ENPP1: variants seen among roughly 807,000 people sequenced by gnomAD.
The protein encoded by ENPP1 is ectonucleotide pyrophosphatase/phosphodiesterase family member 1.
ENPP1 carries 73 observed loss-of-function variants against 122.8 expected under a neutral mutation model. The ratio of observed to expected loss-of-function variants is 0.59; its 90% confidence interval spans 0.49 to 0.72. The LOEUF (loss-of-function observed/expected upper bound fraction) is 0.72. Among genes scored for constraint, ENPP1 ranks in the 30% least tolerant of loss-of-function variants. The pLI is 0.00. For missense variants in ENPP1, 978 were observed against 1,128.1 expected (o/e 0.87, Z 1.91); for synonymous variants, 367 against 391.6 (o/e 0.94, Z 0.74).
At chr6:131,844,692 A>G (rs1781783646) in intron 1 of ENPP1, among the ~76,000 whole-genome samples, 1 of 152,234 alleles carries the variant, frequency 6.6e-6, no homozygotes. Flanking sequence ...TAACACTGCC[A>G]TGGTGCAATA....
At chr6:131,827,419 A>G (rs766692539) in intron 1 of ENPP1, 1 of 710,686 alleles carries the variant, frequency 1.4e-6, no homozygotes, top group Non-Finnish European at 2.6e-6. Context: ...AGCATCCACC[A>G]CAGCCTGTAG....
chr6:131,867,610 A>G (rs1782106584), intron 11 of ENPP1, among the ~76,000 whole-genome samples: 1 of 152,220 alleles, frequency 6.6e-6, no homozygotes, highest in Non-Finnish European at 1.5e-5. Flanking sequence ...TGGAAAATGA[A>G]GTGGTAATTA....
At chr6:131,853,509 G>A (rs1781906607) in intron 5 of ENPP1, among the ~76,000 whole-genome samples, 1 of 152,038 alleles carries the variant, frequency 6.6e-6, no homozygotes, top group Non-Finnish European at 1.5e-5. Context: ...CCACTAACCT[G>A]CTTTTATGAT....
chr6:131,851,139 T>C lies in ENPP1; in HGVS notation c.431-3T>C. 1 of 1,614,008 alleles carries C rather than the reference T, an allele frequency of 6.2e-7. No individual in the cohort carries two copies. Among genetic ancestry groups the C allele is most frequent in the Non-Finnish European group, 8.5e-7 (1 of 1,179,892 alleles). On this transcript the variant is annotated splice_polypyrimidine_tract_variant and splice_region_variant and intron_variant, in intron 3 of 24. Coordinates refer to ENST00000647893, the MANE Select transcript of ENPP1 (RefSeq NM_006208.3). The stretch of plus-strand genomic sequence containing the variant: ...AACACATTTTGCTGATGTTTGTTTC[T>C]AGAACATATATGGACTTGCAACAAA...
chr6:131,863,399 A>G (rs1238974350), intron 9 of ENPP1, among the ~76,000 whole-genome samples: 1 of 152,172 alleles, frequency 6.6e-6, no homozygotes, highest in Non-Finnish European at 1.5e-5. Context: ...TACCGAAATA[A>G]TTTTATTTAT....
intron 1 of ENPP1, among the ~76,000 whole-genome samples, chr6:131,808,960 T>C (rs776950148): frequency 3.3e-5 from 5 of 152,194 alleles, no homozygotes; most frequent in Non-Finnish European, 7.4e-5. Context: ...GTCAACTTCA[T>C]GAAATGTGGG....
intron 1 of ENPP1, among the ~76,000 whole-genome samples, chr6:131,823,711 C>G (rs1781508973): frequency 6.6e-6 from 1 of 151,656 alleles, no homozygotes; most frequent in Non-Finnish European, 1.5e-5. Flanking sequence ...GTCCCAGAAC[C>G]ACTCAATTGC....
chr6:131,857,080 C>A (rs116537547), intron 6 of ENPP1, among the ~76,000 whole-genome samples: 4 of 152,126 alleles, frequency 2.6e-5, no homozygotes, highest in Middle Eastern at 3.4e-3. Flanking sequence ...TTACCTTGGG[C>A]AAATCAAAAC....
rs1251257126 is a variant in ENPP1, at chr6:131,892,672, A to T, written c.*2161A>T. Reference sequence around the variant, plus strand: ...ATCTTAGCAGAGCTTAATTAAATGGATAGATGCCTGTTCCCTTTGCTGGAT... The same window carrying T: ...ATCTTAGCAGAGCTTAATTAAATGGTTAGATGCCTGTTCCCTTTGCTGGAT... On this transcript the variant is annotated 3_prime_UTR_variant, in exon 25 of 25. Coordinates refer to ENST00000647893, the MANE Select transcript of ENPP1 (RefSeq NM_006208.3). 6.6e-6 allele frequency: 1 copy of T among 152,178 alleles called. No homozygotes were observed. Among genetic ancestry groups the T allele is most frequent in the Non-Finnish European group, 1.5e-5 (1 of 68,056 alleles). 9.4% of individuals were successfully genotyped at this position (152,178 alleles called of 1,614,324 possible). A position where few individuals can be genotyped will look rare whatever the true frequency, so the allele number is the denominator to read the frequency against.
chr6:131,845,451 G>GTTTTTTT (rs34638422), intron 1 of ENPP1, among the ~76,000 whole-genome samples: 1 of 133,094 alleles, frequency 7.5e-6, no homozygotes, highest in Admixed American at 7.6e-5. Context: ...GTTTTGGCTT[G>GTTTTTTT]TTTTTTTTTT....
Position 131,892,488 on chromosome 6 carries a change from C to T in ENPP1, c.*1977C>T, listed in dbSNP as rs1406339818. 1 of 152,120 alleles carries T rather than the reference C, an allele frequency of 6.6e-6. No homozygotes were observed. The highest frequency in any genetic ancestry group is 1.5e-5 in the Non-Finnish European group (1 of 68,038). The allele number at this position is 152,120 out of a possible 1,614,324, so 9.4% of individuals were successfully genotyped here. ...ATGTGCAGCGGCACCTTTTGGTGCA[C>T]CCTGGGAATCTCCACTAATGCTATG... is the stretch of plus-strand genomic sequence containing the variant. On this transcript the variant is annotated 3_prime_UTR_variant, in exon 25 of 25. Coordinates refer to ENST00000647893, the MANE Select transcript of ENPP1 (RefSeq NM_006208.3).
intron 2 of ENPP1, among the ~76,000 whole-genome samples, chr6:131,848,256 G>A (rs1361714513): frequency 1.3e-5 from 2 of 152,090 alleles, no homozygotes; most frequent in Non-Finnish European, 2.9e-5. Context: ...GCAGACATTG[G>A]TTGTTTCAAA....
chr6:131,885,592 A>G (rs1248342832), intron 23 of ENPP1, among the ~76,000 whole-genome samples: 1 of 152,130 alleles, frequency 6.6e-6, no homozygotes, highest in Non-Finnish European at 1.5e-5. Flanking sequence ...GAGGGAAAGA[A>G]CATCTTGGAA....
At chr6:131,836,187 A>C (rs1781671963) in intron 1 of ENPP1, among the ~76,000 whole-genome samples, 1 of 150,948 alleles carries the variant, frequency 6.6e-6, no homozygotes, top group South Asian at 2.1e-4. Context: ...ATCTCAGTTT[A>C]CTGCAACCTC....
In ENPP1 at chr6:131,890,801, A is replaced by G. The variant is rs543498182; in HGVS notation, c.*290A>G. On this transcript the variant is annotated 3_prime_UTR_variant, in exon 25 of 25. Transcript: ENST00000647893. ...GCCTTTCTGCTTCTCTTAAAGGAGA[A>G]GTAGCTGTGAACATTGTCTGGATAC... 4.6e-5 allele frequency: 19 copies of G among 415,346 alleles called. No homozygotes were observed. The highest frequency in any genetic ancestry group is 7.3e-4 in the Middle Eastern group (1 of 1,378). The allele number at this position is 415,346 out of a possible 1,614,324, so 25.7% of individuals were successfully genotyped here. A position where few individuals can be genotyped will look rare whatever the true frequency, so the allele number is the denominator to read the frequency against.
chr6:131,834,138 C>T (rs1781645638), intron 1 of ENPP1, among the ~76,000 whole-genome samples: 1 of 152,228 alleles, frequency 6.6e-6, no homozygotes, highest in South Asian at 2.1e-4. Context: ...TGACCTTTAA[C>T]TTCAGAGAGA....
intron 1 of ENPP1, chr6:131,827,727 C>T (rs1562512239): frequency 1.5e-6 from 1 of 682,116 alleles, no homozygotes; most frequent in Non-Finnish European, 2.7e-6. Flanking sequence ...CCTCTTGCCC[C>T]TCCTTCTTGT....
rs771758370 is a variant in ENPP1, at chr6:131,874,313, T to C, written c.1611T>C (p.Ser537=). 1 of 1,595,460 alleles carries C rather than the reference T, an allele frequency of 6.3e-7. No homozygotes were observed. The highest frequency in any genetic ancestry group is 1.7e-5 in the Admixed American group (1 of 59,976). ...ATTGTGGAAGTGGATTTCATGGCTC[T>C]GACAATGTATTTTCAAATATGCAAG... The part of the protein sequence containing the change: ...RKYCGSGFHG[S]DNVFSNMQAL... The change falls in exon 16 of 25, where the codon TCT becomes TCC. Residue 537 remains serine (S), a synonymous_variant. Transcript: ENST00000647893.
In ENPP1 at chr6:131,893,129, T is replaced by C. The variant is rs1782492581; in HGVS notation, c.*2618T>C. The C allele has an allele frequency of 6.6e-6, 1 of 152,152 alleles. No homozygotes were observed. The highest frequency in any genetic ancestry group is 6.5e-5 in the Admixed American group (1 of 15,282). The allele number at this position is 152,152 out of a possible 1,614,324, so 9.4% of individuals were successfully genotyped here. ...TAGCAGAAGGATGTCTACTCTGCCT[T>C]TGTAGAAGTGTCTCACTGATTTTTA... On this transcript the variant is annotated 3_prime_UTR_variant, in exon 25 of 25. Coordinates refer to ENST00000647893, the MANE Select transcript of ENPP1 (RefSeq NM_006208.3).
Sources: gnomAD v4.1 joint callset for allele counts (sites outside exome capture counted in the v4.1 genomes callset) on GRCh38, gnomAD v4.1.1 for gene constraint, MANE v1.5 for transcripts, NCBI Gene and HGNC (gene_info 2026-07-23, HGNC 2026-07-21) for gene names.